TEAD1: variants seen among roughly 807,000 people sequenced by gnomAD.
The protein encoded by TEAD1 is TEA domain transcription factor 1, also known as transcriptional enhancer factor TEF-1.
In TEAD1, 9 loss-of-function variants were observed where a neutral mutation model predicts 54.9. The ratio of observed to expected loss-of-function variants is 0.16; its 90% CI spans 0.10 to 0.29. TEAD1 has a LOEUF of 0.29. Ranked by LOEUF, TEAD1 falls within the 10% of genes least tolerant of loss-of-function variation. The probability of loss-of-function intolerance (pLI) is 1.00; values close to 1 mark genes in which losing one functional copy is unlikely to be tolerated. For synonymous variants in TEAD1, 200 were observed against 187.8 expected, an observed-to-expected ratio of 1.07 and a Z score of -0.53; for missense variants, 387 against 535.9, an observed-to-expected ratio of 0.72 and a Z score of 2.74.
At chr11:12,704,562 C>A (rs1046428325) in intron 2 of TEAD1, among the ~76,000 whole-genome samples, 6 of 152,246 alleles carry the variant, frequency 3.9e-5, no homozygotes, top group Non-Finnish European at 7.3e-5. Flanking sequence ...CCAGCTCCAA[C>A]AGCATAAGAA....
chr11:12,804,091 G>A (rs757260976), intron 3 of TEAD1, among the ~76,000 whole-genome samples: 2 of 152,350 alleles, frequency 1.3e-5, no homozygotes, highest in Non-Finnish European at 2.9e-5. Context: ...TTTGAGGCAC[G>A]TGTGCCAGAG....
At chr11:12,904,575 C>T (rs1299953983) in intron 10 of TEAD1, among the ~76,000 whole-genome samples, 1 of 152,102 alleles carries the variant, frequency 6.6e-6, no homozygotes, top group Non-Finnish European at 1.5e-5. Context: ...AGGAAAATGA[C>T]CACTGTTATC....
intron 3 of TEAD1, among the ~76,000 whole-genome samples, chr11:12,852,510 C>T (rs550393166): frequency 2.0e-5 from 3 of 150,582 alleles, no homozygotes; most frequent in South Asian, 4.2e-4. Flanking sequence ...TGCAGCGGCG[C>T]GATCTTGGCT....
chr11:12,719,557 T>C (rs11022478), intron 2 of TEAD1, among the ~76,000 whole-genome samples: 67,790 of 139,652 alleles, frequency 0.49, 16,935 homozygotes, highest in African/African-American at 0.64. Flanking sequence ...CCCCTTTCTC[T>C]TTCCAGTCCT....
At chr11:12,775,522 G>C (rs4237751) in intron 3 of TEAD1, among the ~76,000 whole-genome samples, 17,196 of 152,154 alleles carry the variant, frequency 0.11, 3,312 homozygotes, top group African/African-American at 0.4. Context: ...TTGTTGTTAT[G>C]TATTTTATCC....
At chr11:12,792,695 A>G (rs765314264) in intron 3 of TEAD1, among the ~76,000 whole-genome samples, 5 of 152,310 alleles carry the variant, frequency 3.3e-5, no homozygotes, top group Non-Finnish European at 5.9e-5. Context: ...TATGGGTGCT[A>G]TGAGGATTAC....
At chr11:12,828,293 G>GT (rs892885304) in intron 3 of TEAD1, 1 of 152,194 alleles carries the variant, frequency 6.6e-6, no homozygotes. Context: ...GGTGCACAGT[G>GT]TGGCGTCGGA....
chr11:12,813,914 G>C (rs1946359779), intron 3 of TEAD1, among the ~76,000 whole-genome samples: 1 of 152,144 alleles, frequency 6.6e-6, no homozygotes, highest in African/African-American at 2.4e-5. Context: ...GGTGTAGCCT[G>C]TGTCCAGCTC....
At chr11:12,903,765 T>C (rs983188809) in intron 10 of TEAD1, among the ~76,000 whole-genome samples, 5 of 152,180 alleles carry the variant, frequency 3.3e-5, no homozygotes, top group Non-Finnish European at 2.9e-5. Flanking sequence ...TGAGCTATGA[T>C]TGTGCCCCTG....
chr11:12,919,807 TGTATG>T (rs1287030317), intron 10 of TEAD1, among the ~76,000 whole-genome samples: 1 of 152,222 alleles, frequency 6.6e-6, no homozygotes, highest in Non-Finnish European at 1.5e-5. Flanking sequence ...TTTTTATATA[TGTATG>T]TATACAACAT....
chr11:12,900,770 A>C (rs1948413319), intron 9 of TEAD1, among the ~76,000 whole-genome samples: 1 of 152,174 alleles, frequency 6.6e-6, no homozygotes, highest in African/African-American at 2.4e-5. Context: ...ATTAGTACTC[A>C]GGGACAGTAG....
chr11:12,786,169 G>A (rs1945673169), intron 3 of TEAD1, among the ~76,000 whole-genome samples: 1 of 152,190 alleles, frequency 6.6e-6, no homozygotes, highest in South Asian at 2.1e-4. Flanking sequence ...GCTTTGCTGA[G>A]ACCAAGCCAA....
At chr11:12,688,557 T>C (rs1368482258) in intron 2 of TEAD1, among the ~76,000 whole-genome samples, 1 of 152,198 alleles carries the variant, frequency 6.6e-6, no homozygotes, top group Non-Finnish European at 1.5e-5. Context: ...GTTGGCTGTT[T>C]TGGTGTTGTC....
chr11:12,780,762 C>T (rs1203845312), intron 3 of TEAD1, among the ~76,000 whole-genome samples: 1 of 152,154 alleles, frequency 6.6e-6, no homozygotes, highest in Non-Finnish European at 1.5e-5. Context: ...CTTAACATTG[C>T]TAAGACAGCA....
chr11:12,928,398 C>T (rs561584529), intron 11 of TEAD1, among the ~76,000 whole-genome samples: 121 of 151,782 alleles, frequency 8.0e-4, no homozygotes, highest in African/African-American at 2.8e-3. Context: ...CCTCCCACCT[C>T]AGCCTCCTGA....
In TEAD1 at chr11:12,930,411, G is replaced by A. The variant is rs2060916253; in HGVS notation, c.1167+85G>A. On this transcript the variant is annotated intron_variant, in intron 12 of 12. Coordinates refer to ENST00000527636, the MANE Select transcript of TEAD1 (RefSeq NM_021961.6). Reference sequence around the variant, plus strand: ...AGGAAGGTGGGCCTGGGAGGCGCTGGGCCTGCGCCGAGGGAACTGACCAGG... The same window carrying A: ...AGGAAGGTGGGCCTGGGAGGCGCTGAGCCTGCGCCGAGGGAACTGACCAGG... The A allele has an allele frequency of 1.9e-6, 3 of 1,549,862 alleles. No homozygotes were observed. In the South Asian group the frequency reaches 3.4e-5, roughly 17 times the overall value.
chr11:12,777,007 G>T lies in TEAD1; in HGVS notation c.202+12573G>T, dbSNP rs557694211. On this transcript the variant is annotated intron_variant, in intron 3 of 12. Coordinates refer to ENST00000527636, the MANE Select transcript of TEAD1 (RefSeq NM_021961.6). The stretch of plus-strand genomic sequence containing the variant: ...GGGGTTTCACTGTGTTGGCCAGGCT[G>T]GTCTCTAACTCCCGACCTCAGGTGA... Among the ~76,000 whole-genome samples the T allele has an allele frequency of 2.0e-5, 3 of 151,980 alleles. No homozygotes were observed. The South Asian group carries it at 6.2e-4, about 32-fold the overall frequency.
intron 2 of TEAD1, among the ~76,000 whole-genome samples, chr11:12,677,310 A>G (rs1247767168): frequency 2.8e-5 from 4 of 141,912 alleles, no homozygotes; most frequent in African/African-American, 7.5e-5. Flanking sequence ...TTGTGGTACA[A>G]TGTGTGCCCA....
At chr11:12,882,722 T>C (rs990461181) in intron 8 of TEAD1, among the ~76,000 whole-genome samples, 1 of 152,220 alleles carries the variant, frequency 6.6e-6, no homozygotes. Context: ...GGTCCCCAAG[T>C]AGACCCCTTG....
Sources: allele counts gnomAD v4.1 joint callset (sites outside exome capture counted in the v4.1 genomes callset), GRCh38; gene constraint gnomAD v4.1.1; transcripts MANE v1.5; gene names NCBI Gene and HGNC (gene_info 2026-07-23, HGNC 2026-07-21).